Variants in IFNG-AS1 observed in about 807,000 individuals in gnomAD.
The protein encoded by IFNG-AS1 is IFNG antisense RNA 1 (non-protein coding).
chr12:68,020,029 G>A (rs1880250288), intron 4 of IFNG-AS1: 1 of 152,126 alleles, frequency 6.6e-6, no homozygotes, highest in African/African-American at 2.4e-5. Context: ...CTACTGAGAG[G>A]TGTTTGTGTA....
At position 68,003,905 on chromosome 12, in the gene IFNG-AS1, C is replaced by CA. The variant is rs60693550; in HGVS notation, n.185-2169dup. ...CTGGGTGAGAGTGAGACTCCGTCTC[C>CA]AAAAAAAAAAAAAAAAGAATCCGTA... On this transcript the variant is annotated intron_variant and non_coding_transcript_variant, in intron 2 of 5. Coordinates refer to ENST00000536914, the Ensembl canonical transcript of IFNG-AS1. 2.7e-3 allele frequency among the ~76,000 whole-genome samples: 265 copies of CA among 97,694 alleles called. 1 individual carries two copies. The highest frequency in any genetic ancestry group is 0.026 in the Middle Eastern group (4 of 154). 64.1% of individuals were successfully genotyped at this position (97,694 alleles called of 152,430 possible).
intron 2 of IFNG-AS1, among the ~76,000 whole-genome samples, chr12:68,002,975 A>G (rs1879804949): frequency 6.6e-6 from 1 of 152,232 alleles, no homozygotes; most frequent in Non-Finnish European, 1.5e-5. Context: ...CTCTATATTT[A>G]TTCTAGATAT....
chr12:68,006,575 T>C lies in IFNG-AS1; in HGVS notation n.241+429T>C, dbSNP rs1284006582. On this transcript the variant is annotated intron_variant and non_coding_transcript_variant, in intron 3 of 5. Coordinates refer to ENST00000536914, the Ensembl canonical transcript of IFNG-AS1. ...TTTCATCCATAATTAGGTTACATTA[T>C]AGGTGAAAGTGAAGGGATTTGGCAA... Among the ~76,000 whole-genome samples, 6 of 152,162 alleles carry C rather than the reference T, an allele frequency of 3.9e-5. No homozygotes were observed. The East Asian group carries it at 1.2e-3, about 29-fold the overall frequency.
intron 1 of IFNG-AS1, among the ~76,000 whole-genome samples, chr12:67,992,984 C>G (rs1879550941): frequency 6.6e-6 from 1 of 152,128 alleles, no homozygotes; most frequent in Non-Finnish European, 1.5e-5. Flanking sequence ...GTGATATTTG[C>G]AGCTTGACTT....
Position 68,019,861 on chromosome 12 carries a change from G to A in IFNG-AS1, n.242-1G>A, listed in dbSNP as rs1326257675. On this transcript the variant is annotated splice_acceptor_variant and non_coding_transcript_variant, in intron 3 of 5. Coordinates refer to ENST00000536914, the Ensembl canonical transcript of IFNG-AS1. Reference sequence around the variant, plus strand: ...TAAATTAACTATGTCTTTTGTTACAGGCTAGAAGCCCACCAACTGCTAACA... The same window carrying A: ...TAAATTAACTATGTCTTTTGTTACAAGCTAGAAGCCCACCAACTGCTAACA... 2.0e-5 allele frequency: 3 copies of A among 152,160 alleles called. No homozygotes were observed. In the East Asian group the frequency reaches 5.8e-4, roughly 29 times the overall value. The allele number at this position is 152,160 out of a possible 1,614,324, so 9.4% of individuals were successfully genotyped here. A position where few individuals can be genotyped will look rare whatever the true frequency, so the allele number is the denominator to read the frequency against.
At chr12:68,017,994 T>C (rs1277768985) in intron 3 of IFNG-AS1, among the ~76,000 whole-genome samples, 1 of 152,174 alleles carries the variant, frequency 6.6e-6, no homozygotes, top group Non-Finnish European at 1.5e-5. Context: ...ATCTGTAAGC[T>C]TTAGCTCATT....
intron 1 of IFNG-AS1, among the ~76,000 whole-genome samples, chr12:67,994,202 A>G (rs1371399488): frequency 1.3e-5 from 2 of 152,264 alleles, no homozygotes; most frequent in African/African-American, 4.8e-5. Flanking sequence ...ATACAGTGAC[A>G]ACAAGCTTCC....
At chr12:67,991,610 G>C (rs1879513798) in intron 1 of IFNG-AS1, among the ~76,000 whole-genome samples, 1 of 152,310 alleles carries the variant, frequency 6.6e-6, no homozygotes, top group African/African-American at 2.4e-5. Flanking sequence ...AATGGGCAAA[G>C]CATCTTCAAA....
chr12:68,006,447 T>A (rs1424257258), intron 3 of IFNG-AS1, among the ~76,000 whole-genome samples: 1 of 152,226 alleles, frequency 6.6e-6, no homozygotes, highest in East Asian at 1.9e-4. Flanking sequence ...AAACCATCAG[T>A]ATTTAGCCAT....
intron 1 of IFNG-AS1, chr12:67,995,897 T>C (rs1418623853): frequency 6.6e-6 from 1 of 152,154 alleles, no homozygotes. Flanking sequence ...ATTATTTTCT[T>C]TAAAACAAGA....
chr12:67,999,499 G>A (rs1879718081), intron 2 of IFNG-AS1, among the ~76,000 whole-genome samples: 2 of 152,284 alleles, frequency 1.3e-5, no homozygotes, highest in Admixed American at 1.3e-4. Flanking sequence ...CATGTTGAAA[G>A]GACACAGAAG....
At chr12:68,006,834 G>A (rs1013938824) in intron 3 of IFNG-AS1, among the ~76,000 whole-genome samples, 2 of 152,224 alleles carry the variant, frequency 1.3e-5, no homozygotes, top group Non-Finnish European at 2.9e-5. Context: ...AAACTCACAT[G>A]AGACCCTAGT....
At chr12:68,013,208 C>T (rs184090826) in intron 3 of IFNG-AS1, among the ~76,000 whole-genome samples, 57 of 152,274 alleles carry the variant, frequency 3.7e-4, no homozygotes, top group Admixed American at 1.5e-3. Flanking sequence ...CATTTCTGTG[C>T]AATTTAGATC....
chr12:68,009,954 T>C (rs868616982), intron 3 of IFNG-AS1, among the ~76,000 whole-genome samples: 1 of 152,332 alleles, frequency 6.6e-6, no homozygotes. Flanking sequence ...AATTAAGAAA[T>C]TGAAAGTGTT....
chr12:68,004,605 G>T (rs572687619), intron 2 of IFNG-AS1, among the ~76,000 whole-genome samples: 298 of 152,288 alleles, frequency 2.0e-3, no homozygotes, highest in African/African-American at 6.9e-3. Context: ...CTGACCATTT[G>T]CCCCTGGTTG....
At chr12:68,006,773 G>A (rs150730869) in intron 3 of IFNG-AS1, among the ~76,000 whole-genome samples, 1 of 152,316 alleles carries the variant, frequency 6.6e-6, no homozygotes, top group African/African-American at 2.4e-5. Context: ...TTCTGCAGCT[G>A]CAAGGAAATG....
intron 3 of IFNG-AS1, among the ~76,000 whole-genome samples, chr12:68,019,098 A>T (rs1262984474): frequency 6.6e-6 from 1 of 152,026 alleles, no homozygotes; most frequent in Non-Finnish European, 1.5e-5. Context: ...AGGACTCTTC[A>T]CTCTATTCTT....
chr12:67,996,366 C>T (rs1266077227), intron 2 of IFNG-AS1, among the ~76,000 whole-genome samples: 1 of 152,146 alleles, frequency 6.6e-6, no homozygotes, highest in Non-Finnish European at 1.5e-5. Context: ...AAAGAGAATG[C>T]CATCTAACTA....
chr12:68,021,126 G>A (rs1880278316), intron 4 of IFNG-AS1: 1 of 152,010 alleles, frequency 6.6e-6, no homozygotes. Context: ...ATTAGTCTAA[G>A]TATTTGTTTT....
Sources: gnomAD v4.1 joint callset for allele counts (sites outside exome capture counted in the v4.1 genomes callset) on GRCh38, gnomAD v4.1.1 for gene constraint, MANE v1.5 for transcripts, NCBI Gene and HGNC (gene_info 2026-07-23, HGNC 2026-07-21) for gene names.